ENPEP: variants seen among roughly 807,000 people sequenced by gnomAD.
ENPEP encodes glutamyl aminopeptidase, also known as AP-A.
ENPEP carries 103 observed loss-of-function variants against 114.5 expected under a neutral mutation model. The observed-to-expected ratio is 0.90, with a 90% CI of 0.77 to 1.06. The LOEUF (loss-of-function observed/expected upper bound fraction) is 1.06. Ranked by LOEUF, ENPEP falls within the 50% of genes least tolerant of loss-of-function variation. ENPEP has a pLI of 0.00. For synonymous variants in ENPEP, 420 were observed against 422.0 expected (o/e 1.00, Z 0.06); for missense variants, 1,196 against 1,161.3 (o/e 1.03, Z -0.43).
At chr4:110,550,609 T>C (rs1189668838) in intron 17 of ENPEP, among the ~76,000 whole-genome samples, 1 of 152,136 alleles carries the variant, frequency 6.6e-6, no homozygotes, top group African/African-American at 2.4e-5. Flanking sequence ...GCATTTATAC[T>C]TGAAATCAAC....
intron 8 of ENPEP, among the ~76,000 whole-genome samples, chr4:110,518,757 AC>A (rs1476821645): frequency 1.3e-5 from 2 of 152,104 alleles, no homozygotes; most frequent in Non-Finnish European, 2.9e-5. Flanking sequence ...AGTTTCCTTC[AC>A]CTCAAAATGT....
At chr4:110,503,075 C>T (rs1725224029) in intron 3 of ENPEP, among the ~76,000 whole-genome samples, 1 of 152,094 alleles carries the variant, frequency 6.6e-6, no homozygotes, top group South Asian at 2.1e-4. Flanking sequence ...CCACGACAGG[C>T]CCTGGTGTGT....
intron 8 of ENPEP, 51 bp from the exon 9 acceptor site, chr4:110,519,957 T>G: frequency 1.1e-5 from 17 of 1,538,812 alleles, no homozygotes; most frequent in Non-Finnish European, 1.5e-5. Flanking sequence ...TGTGAAAGTA[T>G]GAGAAAAGCA....
In ENPEP at chr4:110,510,232, C is replaced by A. The variant is rs1253995573; in HGVS notation, c.1195-13C>A. On this transcript the variant is annotated splice_polypyrimidine_tract_variant and intron_variant, in intron 5 of 19. Coordinates refer to ENST00000265162, the MANE Select transcript of ENPEP (RefSeq NM_001977.4). Reference sequence around the variant, plus strand: ...TAAGAATGTAATTATCTCTTTATTGCTTATAATTTCAGTGGTTTGGAAATA... The same window carrying A: ...TAAGAATGTAATTATCTCTTTATTGATTATAATTTCAGTGGTTTGGAAATA... The A allele has an allele frequency of 1.9e-6, 3 of 1,598,928 alleles. No individual in the cohort carries two copies. The East Asian group carries it at 6.7e-5, about 36-fold the overall frequency.
chr4:110,540,434 G>T (rs1313815767), intron 11 of ENPEP, among the ~76,000 whole-genome samples: 1 of 152,064 alleles, frequency 6.6e-6, no homozygotes, highest in Non-Finnish European at 1.5e-5. Context: ...AATAGTAAAT[G>T]GAGTAACAGA....
intron 13 of ENPEP, among the ~76,000 whole-genome samples, chr4:110,543,855 C>G (rs572656648): frequency 1.3e-5 from 2 of 152,084 alleles, no homozygotes; most frequent in East Asian, 3.9e-4. Context: ...GGGTATCCTT[C>G]TTATGGGACC....
rs1157774559 is a variant in ENPEP, at chr4:110,531,260, A to G, written c.1790A>G (p.Asn597Ser). 1 of 1,450,506 alleles carries G rather than the reference A, an allele frequency of 6.9e-7. No individual in the cohort carries two copies. Among genetic ancestry groups the G allele is most frequent in the African/African-American group, 1.4e-5 (1 of 70,862 alleles). The allele number at this position is 1,450,506 out of a possible 1,614,324, so 89.9% of individuals were successfully genotyped here. The change falls in exon 11 of 20, where the codon AAT becomes AGT. Residue 597 changes from asparagine (N) to serine (S), a missense_variant. Transcript: ENST00000265162. ...EDNITSSVLF[N>S]RSEKEGITLN... ...AATATAACAAGCAGTGTGTTATTTAATAGGTCAGAAAAAGAAGGTAAATAT... is the reference window on the plus strand; with the variant it reads ...AATATAACAAGCAGTGTGTTATTTAGTAGGTCAGAAAAAGAAGGTAAATAT...
intron 3 of ENPEP, among the ~76,000 whole-genome samples, chr4:110,503,408 C>T (rs558851661): frequency 3.3e-5 from 5 of 152,060 alleles, no homozygotes; most frequent in South Asian, 2.1e-4. Flanking sequence ...TTTCTTATAA[C>T]GGTTATTTTG....
At chr4:110,530,120 G>A (rs1267075714) in intron 10 of ENPEP, among the ~76,000 whole-genome samples, 3 of 152,042 alleles carry the variant, frequency 2.0e-5, no homozygotes, top group African/African-American at 4.8e-5. Flanking sequence ...AGATAAGGAG[G>A]AAGCACTGAC....
At chr4:110,523,031 C>T (rs1373705358) in intron 10 of ENPEP, among the ~76,000 whole-genome samples, 1 of 152,066 alleles carries the variant, frequency 6.6e-6, no homozygotes, top group East Asian at 1.9e-4. Context: ...GCTCAGGGTG[C>T]TGTGAGTGCC....
At chr4:110,499,109 A>G (rs1041816029) in intron 3 of ENPEP, among the ~76,000 whole-genome samples, 6 of 152,136 alleles carry the variant, frequency 3.9e-5, no homozygotes, top group African/African-American at 1.2e-4. Flanking sequence ...GCATTTTTCA[A>G]TGTTCTTACT....
chr4:110,525,905 G>A (rs1378524337), intron 10 of ENPEP, among the ~76,000 whole-genome samples: 1 of 152,154 alleles, frequency 6.6e-6, no homozygotes, highest in African/African-American at 2.4e-5. Flanking sequence ...GAGGGTCACA[G>A]AAGGCTTTCT....
chr4:110,491,046 T>C lies in ENPEP; in HGVS notation c.800T>C (p.Val267Ala). ...SNMPVAKEES[V>A]DDKWTRTTFE... Reference sequence around the variant, plus strand: ...TCTTTTCAATAGAAAGAAGAGTCAGTGGATGATAAATGGACTCGAACAACT... The same window carrying C: ...TCTTTTCAATAGAAAGAAGAGTCAGCGGATGATAAATGGACTCGAACAACT... Residue 267 changes from valine (V) to alanine (A), a missense_variant, in exon 3 of 20, where the codon GTG becomes GCG. Val to Ala is a moderately conservative substitution (Grantham distance 64). Coordinates refer to ENST00000265162, the MANE Select transcript of ENPEP (RefSeq NM_001977.4). 6.2e-7 allele frequency: 1 copy of C among 1,610,012 alleles called. No homozygotes were observed. Among genetic ancestry groups the C allele is most frequent in the Non-Finnish European group, 8.5e-7 (1 of 1,179,164 alleles).
At position 110,562,823 on chromosome 4, in the gene ENPEP, T is replaced by G. The variant is rs1201250008; in HGVS notation, c.*1265T>G. On this transcript the variant is annotated 3_prime_UTR_variant, in exon 20 of 20. Transcript: ENST00000265162. ...GCTATATCTAGAAAATCTAAATTTATTTGGAACTTTCAAAAATGTAAGGTA... is the reference window on the plus strand; with the variant it reads ...GCTATATCTAGAAAATCTAAATTTAGTTGGAACTTTCAAAAATGTAAGGTA... 6.6e-6 allele frequency: 1 copy of G among 152,164 alleles called. No individual in the cohort carries two copies. The highest frequency in any genetic ancestry group is 2.4e-5 in the African/African-American group (1 of 41,466). The allele number at this position is 152,164 out of a possible 1,614,324, so 9.4% of individuals were successfully genotyped here.
At chr4:110,532,636 T>C (rs1159577452) in intron 11 of ENPEP, among the ~76,000 whole-genome samples, 4 of 152,214 alleles carry the variant, frequency 2.6e-5, no homozygotes, top group African/African-American at 9.6e-5. Context: ...AAAACGTTTA[T>C]TGTTAACAGT....
intron 8 of ENPEP, chr4:110,519,606 T>C (rs562204366): frequency 3.7e-4 from 68 of 183,070 alleles, no homozygotes; most frequent in Non-Finnish European, 3.8e-4. Flanking sequence ...GTGAATAATG[T>C]CCCCAATTCA....
At chr4:110,517,665 T>A (rs1209116192) in intron 8 of ENPEP, among the ~76,000 whole-genome samples, 1 of 152,180 alleles carries the variant, frequency 6.6e-6, no homozygotes, top group Non-Finnish European at 1.5e-5. Context: ...AATTAATAAT[T>A]CTTAAGTTAA....
At position 110,548,267 on chromosome 4, in the gene ENPEP, G is replaced by C. The variant is rs926612564; in HGVS notation, c.2092G>C (p.Ala698Pro). ...TTTACCATGGCAGAGAGTAATTTCA[G>C]CTGTAACCTACATCATTAGCATGTT... ...NFLPWQRVIS[A>P]VTYIISMFED... Residue 698 changes from alanine (A) to proline (P), a missense_variant, in exon 14 of 20, where the codon GCT becomes CCT. Physicochemically the swap from Ala to Pro is conservative, Grantham distance 27 (BLOSUM62 -1). Coordinates refer to ENST00000265162, the MANE Select transcript of ENPEP (RefSeq NM_001977.4). 6.2e-7 allele frequency: 1 copy of C among 1,601,528 alleles called. No homozygotes were observed. The highest frequency in any genetic ancestry group is 1.4e-5 in the African/African-American group (1 of 73,582).
intron 8 of ENPEP, among the ~76,000 whole-genome samples, chr4:110,517,187 G>A (rs1303654422): frequency 6.6e-6 from 1 of 151,956 alleles, no homozygotes; most frequent in Non-Finnish European, 1.5e-5. Context: ...AGATCCGCCC[G>A]CCTCGGCCTC....
Sources: allele counts gnomAD v4.1 joint callset (sites outside exome capture counted in the v4.1 genomes callset), GRCh38; gene constraint gnomAD v4.1.1; transcripts MANE v1.5; gene names NCBI Gene and HGNC (gene_info 2026-07-23, HGNC 2026-07-21).